The following GRID1 variants were observed in gnomAD, a reference collection of about 807,000 sequenced individuals.
The protein encoded by GRID1 is glutamate receptor ionotropic, delta-1.
A neutral mutation model predicts 98.0 loss-of-function variants in GRID1; 28 were observed. The observed-to-expected ratio is 0.29, with a 90% CI of 0.21 to 0.39. The LOEUF is 0.39. Ranked by LOEUF, GRID1 falls within the 10% of genes least tolerant of loss-of-function variation. The probability of loss-of-function intolerance (pLI) is 1.00; values close to 1 mark genes in which losing one functional copy is unlikely to be tolerated. For missense variants in GRID1, 1,111 were observed against 1,340.5 expected (o/e 0.83, Z 2.67); for synonymous variants, 553 against 538.5 (o/e 1.03, Z -0.37).
intron 4 of GRID1, among the ~76,000 whole-genome samples, chr10:86,085,142 C>T (rs534953606): frequency 2.6e-5 from 4 of 152,232 alleles, no homozygotes; most frequent in African/African-American, 7.2e-5. Context: ...CTCACTGCTT[C>T]GATGAGCCCC....
intron 4 of GRID1, among the ~76,000 whole-genome samples, chr10:86,041,611 C>T (rs1843346236): frequency 6.6e-6 from 1 of 152,228 alleles, no homozygotes; most frequent in South Asian, 2.1e-4. Context: ...GGTTCAAAGC[C>T]CAGTACCCCA....
intron 4 of GRID1, among the ~76,000 whole-genome samples, chr10:86,042,142 C>A (rs901157191): frequency 2.0e-5 from 3 of 152,236 alleles, no homozygotes; most frequent in African/African-American, 4.8e-5. Context: ...CTTATGAGGG[C>A]TTCAGCCAAA....
At chr10:86,092,583 T>C (rs1378049723) in intron 4 of GRID1, among the ~76,000 whole-genome samples, 2 of 152,168 alleles carry the variant, frequency 1.3e-5, no homozygotes, top group African/African-American at 4.8e-5. Flanking sequence ...CAGGAGTAGC[T>C]ATTCTTATAT....
intron 4 of GRID1, among the ~76,000 whole-genome samples, chr10:85,989,008 T>C (rs1842645456): frequency 6.6e-6 from 1 of 152,136 alleles, no homozygotes; most frequent in Non-Finnish European, 1.5e-5. Flanking sequence ...GAGCTTTTTG[T>C]GCGGTTTGTG....
chr10:86,326,577 A>T (rs1189719010), intron 2 of GRID1, among the ~76,000 whole-genome samples: 1 of 152,244 alleles, frequency 6.6e-6, no homozygotes. Flanking sequence ...ATTTAAAGCC[A>T]TAGAGAGACC....
intron 3 of GRID1, among the ~76,000 whole-genome samples, chr10:86,186,199 G>C (rs1374178560): frequency 6.6e-6 from 1 of 152,126 alleles, no homozygotes; most frequent in Non-Finnish European, 1.5e-5. Flanking sequence ...AAATGTGTTG[G>C]CATAAGGTTT....
chr10:86,176,065 G>A (rs982233841), intron 3 of GRID1, among the ~76,000 whole-genome samples: 1 of 152,080 alleles, frequency 6.6e-6, no homozygotes, highest in African/African-American at 2.4e-5. Context: ...GGCTGGTCTC[G>A]AACCCCTGAA....
At chr10:85,727,498 T>C (rs552463510) in intron 10 of GRID1, among the ~76,000 whole-genome samples, 1 of 152,188 alleles carries the variant, frequency 6.6e-6, no homozygotes, top group Admixed American at 6.5e-5. Context: ...CTATAAGGGA[T>C]AGGAGAATGA....
intron 10 of GRID1, among the ~76,000 whole-genome samples, chr10:85,726,546 G>C (rs1255888785): frequency 6.6e-6 from 1 of 152,144 alleles, no homozygotes; most frequent in East Asian, 1.9e-4. Context: ...GAGTCACAAG[G>C]GATGAAGGGA....
At chr10:85,968,246 C>T (rs1160231576) in intron 4 of GRID1, among the ~76,000 whole-genome samples, 1 of 146,384 alleles carries the variant, frequency 6.8e-6, no homozygotes, top group South Asian at 2.3e-4. Flanking sequence ...GTCAAGAGAT[C>T]GAGACCATCC....
chr10:85,735,497 A>G (rs571970978), intron 8 of GRID1, among the ~76,000 whole-genome samples: 47 of 152,274 alleles, frequency 3.1e-4, no homozygotes, highest in African/African-American at 1.0e-3. Flanking sequence ...TCCCAAGTCA[A>G]CCAGGATGTT....
chr10:85,665,830 A>G (rs1037343697), intron 12 of GRID1, among the ~76,000 whole-genome samples: 2 of 152,158 alleles, frequency 1.3e-5, no homozygotes, highest in Admixed American at 6.5e-5. Context: ...CAAGGACAGG[A>G]AAATCTGAGC....
At chr10:85,685,404 A>G (rs1841257709) in intron 12 of GRID1, among the ~76,000 whole-genome samples, 1 of 152,214 alleles carries the variant, frequency 6.6e-6, no homozygotes, top group Non-Finnish European at 1.5e-5. Context: ...AGTTAAATTG[A>G]GAAAAAGAAT....
chr10:86,278,147 T>C (rs1336818686), intron 2 of GRID1, among the ~76,000 whole-genome samples: 1 of 152,216 alleles, frequency 6.6e-6, no homozygotes, highest in East Asian at 1.9e-4. Context: ...CAAAACATGA[T>C]TCAAGGTAAA....
At chr10:85,988,812 G>T (rs762949642) in intron 4 of GRID1, among the ~76,000 whole-genome samples, 1 of 152,276 alleles carries the variant, frequency 6.6e-6, no homozygotes, top group Non-Finnish European at 1.5e-5. Context: ...CATATCCCCA[G>T]GATTTCTTTT....
At chr10:85,629,066 G>A (rs1238847649) in intron 13 of GRID1, among the ~76,000 whole-genome samples, 1 of 152,064 alleles carries the variant, frequency 6.6e-6, no homozygotes, top group Non-Finnish European at 1.5e-5. Flanking sequence ...TGATGGCCAG[G>A]CCCCAGGATT....
chr10:85,710,305 T>C (rs781280818), intron 12 of GRID1, among the ~76,000 whole-genome samples: 3 of 152,144 alleles, frequency 2.0e-5, no homozygotes, highest in Non-Finnish European at 4.4e-5. Flanking sequence ...TAGTGATCCC[T>C]GAAATAAACC....
chr10:86,109,971 CT>C (rs56917207), intron 4 of GRID1, among the ~76,000 whole-genome samples: 5,994 of 120,920 alleles, frequency 0.05, 253 homozygotes, highest in African/African-American at 0.13. Context: ...CTCTGCCATT[CT>C]TTTTTTTTTT....
intron 5 of GRID1, among the ~76,000 whole-genome samples, chr10:85,869,447 T>G (rs981468507): frequency 1.3e-5 from 2 of 152,168 alleles, no homozygotes; most frequent in African/African-American, 4.8e-5. Flanking sequence ...TCCACAGGTG[T>G]GAAGCTTTTA....
Sources: allele counts gnomAD v4.1 joint callset (sites outside exome capture counted in the v4.1 genomes callset), GRCh38; gene constraint gnomAD v4.1.1; transcripts MANE v1.5; gene names NCBI Gene and HGNC (gene_info 2026-07-23, HGNC 2026-07-21).